Variants in WDPCP observed in about 807,000 individuals in gnomAD.
WDPCP encodes WD repeat containing planar cell polarity effector, also known as WD repeat-containing and planar cell polarity effector protein fritz homolog.
In WDPCP, 71 loss-of-function variants were observed where a neutral mutation model predicts 93.1. The observed-to-expected ratio is 0.76, with a 90% CI of 0.63 to 0.93. The LOEUF (loss-of-function observed/expected upper bound fraction) is 0.93, where lower values mean the gene tolerates loss of function less well. Among genes scored for constraint, WDPCP ranks in the 40% least tolerant of loss-of-function variants. The probability of loss-of-function intolerance (pLI) is 0.00; values close to 1 mark genes in which losing one functional copy is unlikely to be tolerated. For synonymous variants in WDPCP, 315 were observed against 315.0 expected (o/e 1.00, Z 0.00); for missense variants, 844 against 887.4 (o/e 0.95, Z 0.62).
intron 17 of WDPCP, among the ~76,000 whole-genome samples, chr2:63,129,918 A>G (rs1006179084): frequency 1.3e-5 from 2 of 152,152 alleles, no homozygotes; most frequent in African/African-American, 4.8e-5. Context: ...TTATTTAGGG[A>G]ATAATTTACA....
At chr2:63,623,061 C>G (rs1709767247) in intron 3 of WDPCP, among the ~76,000 whole-genome samples, 1 of 152,226 alleles carries the variant, frequency 6.6e-6, no homozygotes. Context: ...GAATTTTCAG[C>G]CCAGAATCTC....
intron 12 of WDPCP, among the ~76,000 whole-genome samples, chr2:63,337,011 G>A (rs6757463): frequency 0.8 from 121,224 of 151,356 alleles, 49,398 homozygotes; most frequent in East Asian, 0.96. Flanking sequence ...CTCCTGCCTC[G>A]GCCTCCTGAG....
At chr2:63,354,332 C>A (rs1224805950) in intron 12 of WDPCP, among the ~76,000 whole-genome samples, 3 of 152,160 alleles carry the variant, frequency 2.0e-5, no homozygotes, top group African/African-American at 7.2e-5. Flanking sequence ...TTGGCCATAA[C>A]CACTATGAGG....
chr2:63,808,077 A>G (rs1670794179), intron 2 of WDPCP, among the ~76,000 whole-genome samples: 2 of 152,200 alleles, frequency 1.3e-5, no homozygotes, highest in African/African-American at 2.4e-5. Context: ...CTGAACATTA[A>G]GACCTTTAAT....
intron 17 of WDPCP, among the ~76,000 whole-genome samples, chr2:63,146,070 T>A (rs1356333929): frequency 6.6e-6 from 1 of 152,198 alleles, no homozygotes; most frequent in Admixed American, 6.5e-5. Context: ...GTCCTGAAAC[T>A]GCTGAAGTTG....
intron 1 of WDPCP, among the ~76,000 whole-genome samples, chr2:63,582,496 A>G (rs1708561040): frequency 6.6e-6 from 1 of 152,174 alleles, no homozygotes; most frequent in African/African-American, 2.4e-5. Flanking sequence ...CACAGAAAAA[A>G]GTATTTCAAG....
chr2:63,229,413 G>T (rs1414089393), intron 14 of WDPCP: 5 of 152,000 alleles, frequency 3.3e-5, no homozygotes, highest in Non-Finnish European at 7.4e-5. Context: ...AGTTTCTTTT[G>T]CTGTGCAGAA....
At chr2:63,346,460 T>C (rs192124741) in intron 12 of WDPCP, among the ~76,000 whole-genome samples, 9 of 152,308 alleles carry the variant, frequency 5.9e-5, no homozygotes, top group South Asian at 4.1e-4. Context: ...TTCAACAAAA[T>C]AGACCAGCAG....
At chr2:63,355,075 A>T (rs1689914032) in intron 12 of WDPCP, among the ~76,000 whole-genome samples, 1 of 152,206 alleles carries the variant, frequency 6.6e-6, no homozygotes. Context: ...CAACAGTCAA[A>T]CTCAGGAAAT....
At chr2:63,718,585 CT>C (rs1333771355) in intron 2 of WDPCP, among the ~76,000 whole-genome samples, 1 of 152,116 alleles carries the variant, frequency 6.6e-6, no homozygotes, top group Non-Finnish European at 1.5e-5. Flanking sequence ...CCTTTGCCCA[CT>C]TTTTAATGGG....
chr2:63,548,819 C>G (rs1705347603), intron 1 of WDPCP, among the ~76,000 whole-genome samples: 1 of 151,934 alleles, frequency 6.6e-6, no homozygotes, highest in Non-Finnish European at 1.5e-5. Flanking sequence ...ACTAATTCAG[C>G]TAGAACTCAA....
intron 12 of WDPCP, among the ~76,000 whole-genome samples, chr2:63,368,266 T>C (rs1248626243): frequency 6.6e-6 from 1 of 151,846 alleles, no homozygotes; most frequent in Non-Finnish European, 1.5e-5. Flanking sequence ...CACCTGTCAA[T>C]AGTTTTTTGA....
chr2:63,764,975 T>C (rs1670115998), intron 2 of WDPCP, among the ~76,000 whole-genome samples: 1 of 152,190 alleles, frequency 6.6e-6, no homozygotes, highest in African/African-American at 2.4e-5. Context: ...AGTCCTAAAC[T>C]AGGCTAAGGT....
At chr2:63,696,256 C>A (rs1189962344) in intron 2 of WDPCP, among the ~76,000 whole-genome samples, 1 of 152,132 alleles carries the variant, frequency 6.6e-6, no homozygotes, top group Non-Finnish European at 1.5e-5. Context: ...ATTTGACACA[C>A]TCCCGCATGC....
In WDPCP at chr2:63,404,442, A is replaced by T; in HGVS notation, c.1041T>A (p.Val347=). 6.2e-7 allele frequency: 1 copy of T among 1,614,194 alleles called. No individual in the cohort carries two copies. Among genetic ancestry groups the T allele is most frequent in the Non-Finnish European group, 8.5e-7 (1 of 1,180,024 alleles). Residue 347 remains valine, a synonymous_variant, in exon 10 of 18, where the codon GTT becomes GTA. Transcript: ENST00000272321. ...KSKAISCCRN[V]TEDKLILGCE... is the part of the protein sequence containing the mutation. ...AGCCCAGAATCAGTTTGTCTTCAGT[A>T]ACATTCCTGCAGCAGCTGATGGCCT...
intron 12 of WDPCP, among the ~76,000 whole-genome samples, chr2:63,319,217 AG>A (rs1321224281): frequency 2.0e-5 from 3 of 152,178 alleles, no homozygotes; most frequent in African/African-American, 7.2e-5. Flanking sequence ...AATATTTCCT[AG>A]GTTTTCTTCT....
chr2:63,595,950 G>C lies in WDPCP; in HGVS notation n.488+54709C>G, dbSNP rs1455355759. ...AGGATGTCCTTCATAGCTATACATT[G>C]CTCTGGAAGTTGGTTGGTTCCTCTT... On this transcript the variant is annotated intron_variant and non_coding_transcript_variant, in intron 3 of 4. Coordinates refer to the WDPCP transcript ENST00000467687. Among the ~76,000 whole-genome samples the C allele has an allele frequency of 2.0e-5, 3 of 152,192 alleles. 1 individual carries two copies. The East Asian group carries it at 5.8e-4, about 29-fold the overall frequency.
At chr2:63,258,173 C>T (rs1681296217) in intron 14 of WDPCP, among the ~76,000 whole-genome samples, 1 of 152,062 alleles carries the variant, frequency 6.6e-6, no homozygotes, top group African/African-American at 2.4e-5. Context: ...ATATCCCTCC[C>T]TAGAAAGTAA....
In WDPCP at chr2:63,439,854, A is replaced by C; in HGVS notation, c.402T>G (p.Gly134=). ...CAGAAAGGCTTAGAGACACCAGCAC[A>C]CCTGAACCAAAAAGGAGCTAAAACC... is the stretch of plus-strand genomic sequence containing the variant. ...KYVCQLLFGS[G]VLVSLSLSGP... The change falls in exon 7 of 18, where the codon GGT becomes GGG. Residue 134 remains glycine, a synonymous_variant. Coordinates refer to ENST00000272321, the MANE Select transcript of WDPCP (RefSeq NM_015910.7). The C allele has an allele frequency of 6.2e-7, 1 of 1,613,170 alleles. No individual in the cohort carries two copies. The highest frequency in any genetic ancestry group is 2.2e-5 in the East Asian group (1 of 44,868).
Sources: allele counts gnomAD v4.1 joint callset (sites outside exome capture counted in the v4.1 genomes callset), GRCh38; gene constraint gnomAD v4.1.1; transcripts MANE v1.5; gene names NCBI Gene and HGNC (gene_info 2026-07-23, HGNC 2026-07-21).